The following PLEKHG4B variants were observed in gnomAD, a reference collection of about 807,000 sequenced individuals.
The protein encoded by PLEKHG4B is pleckstrin homology domain-containing family G member 4B.
A neutral mutation model predicts 121.3 loss-of-function variants in PLEKHG4B; 111 were observed. That is an observed-to-expected ratio of 0.92 (90% CI 0.78 to 1.07). The LOEUF is 1.07. Ranked by LOEUF, PLEKHG4B falls within the 50% of genes least tolerant of loss-of-function variation. The pLI, the probability that PLEKHG4B is intolerant of heterozygous loss-of-function variation, is 0.00. For synonymous variants in PLEKHG4B, 738 were observed against 725.0 expected (o/e 1.02, Z -0.29); for missense variants, 1,831 against 1,757.8 (o/e 1.04, Z -0.74).
rs377105521 is a variant in PLEKHG4B at position 167,383 on chromosome 5, A to G, written c.3477-1957A>G. On this transcript the variant is annotated intron_variant, in intron 13 of 19. Transcript: ENST00000637938. ...ATTTCTGCCCACAGCTGTGCTTCCC[A>G]TCATTAGCTGCTTTTTAGTTTTTCC... 4.7e-4 allele frequency among the ~76,000 whole-genome samples: 71 copies of G among 152,304 alleles called. 1 individual carries two copies. In the South Asian group the frequency reaches 0.014, roughly 31 times the overall value.
Position 156,289 on chromosome 5 carries a change from C to T in PLEKHG4B, c.2348+79C>T, listed in dbSNP as rs937215991. 41 of 1,296,282 alleles carry T rather than the reference C, an allele frequency of 3.2e-5. No individual in the cohort carries two copies. Among genetic ancestry groups the T allele is most frequent in the African/African-American group, 1.1e-4 (7 of 64,402 alleles). 80.3% of individuals were successfully genotyped at this position (1,296,282 alleles called of 1,614,324 possible). ...GGGGAGTTTGCACCAGGAGGCGTAG[C>T]GCTCTGCTCCAAGGAGAGCCCCCTC... On this transcript the variant is annotated intron_variant, in intron 10 of 19. Coordinates refer to ENST00000637938, the MANE Select transcript of PLEKHG4B (RefSeq NM_052909.5). This position sits in a 1 kb window ranked among gnomAD's most constrained non-coding sequence, Gnocchi z 4.4.
At chr5:167,147 T>G (rs577515178) in intron 13 of PLEKHG4B, among the ~76,000 whole-genome samples, 2 of 152,256 alleles carry the variant, frequency 1.3e-5, no homozygotes, top group Non-Finnish European at 2.9e-5. Flanking sequence ...GTCCTCATTC[T>G]GATTTTGTTT....
intron 2 of PLEKHG4B, among the ~76,000 whole-genome samples, chr5:119,833 G>C (rs1330028299): frequency 6.6e-6 from 1 of 152,202 alleles, no homozygotes; most frequent in Non-Finnish European, 1.5e-5. Context: ...ATTAGAATCT[G>C]AAGGAGCCTT....
intron 2 of PLEKHG4B, among the ~76,000 whole-genome samples, chr5:129,759 G>A (rs999683565): frequency 3.3e-5 from 5 of 152,174 alleles, no homozygotes; most frequent in Admixed American, 6.5e-5. Flanking sequence ...AGTGGTGGGT[G>A]AATGTGCATT....
chr5:171,161 C>T (rs1736533791), intron 15 of PLEKHG4B, 29 bp downstream of exon 15: 1 of 1,607,510 alleles, frequency 6.2e-7, no homozygotes, highest in Non-Finnish European at 8.5e-7. Flanking sequence ...CCCCCCACAG[C>T]CTGCCCGGCC....
chr5:123,855 C>G (rs1734536056), intron 2 of PLEKHG4B, among the ~76,000 whole-genome samples: 1 of 151,732 alleles, frequency 6.6e-6, no homozygotes, highest in Non-Finnish European at 1.5e-5. Context: ...TTTCATGTAT[C>G]TCTGTTCTAA....
intron 13 of PLEKHG4B, among the ~76,000 whole-genome samples, 200 bp downstream of exon 13, chr5:163,748 C>CTGAAAACT (rs1736136078): frequency 6.6e-6 from 1 of 152,342 alleles, no homozygotes; most frequent in Middle Eastern, 3.4e-3. Context: ...GAAGGGACCA[C>CTGAAAACT]TGAAAACTGC....
intron 1 of PLEKHG4B, among the ~76,000 whole-genome samples, chr5:94,149 A>G (rs149094704): frequency 1.1e-3 from 162 of 152,354 alleles, no homozygotes; most frequent in African/African-American, 3.8e-3. Context: ...GTTTGAGCCA[A>G]ACTCAAGGTC....
At chr5:102,088 A>G (rs1733835427) in intron 1 of PLEKHG4B, among the ~76,000 whole-genome samples, 1 of 128,506 alleles carries the variant, frequency 7.8e-6, no homozygotes, top group African/African-American at 3.3e-5. Context: ...AGCCCTGGAA[A>G]AAGTCTATAG....
intron 2 of PLEKHG4B, among the ~76,000 whole-genome samples, chr5:127,257 A>G (rs1281763394): frequency 6.6e-6 from 1 of 151,680 alleles, no homozygotes; most frequent in Non-Finnish European, 1.5e-5. Flanking sequence ...TTAAAAGGAA[A>G]CGTTACTACA....
Position 182,009 on chromosome 5 carries a change from C to T in PLEKHG4B, c.4570C>T (p.Gln1524Ter), listed in dbSNP as rs1338278719. Residue 1524 changes from glutamine (Q) to a stop codon, truncating the protein, a stop_gained, in exon 20 of 20, where the codon CAA (glutamine) becomes TAA (stop). Coordinates refer to ENST00000637938, the MANE Select transcript of PLEKHG4B (RefSeq NM_052909.5). LOFTEE classifies it low-confidence loss of function (END_TRUNC). Reference sequence around the variant, plus strand: ...TGCTTTCTGTCCCTTTCCAGAGTCACAAATGAGAGGGTCCACAGCGGTGTC... The same window carrying T: ...TGCTTTCTGTCCCTTTCCAGAGTCATAAATGAGAGGGTCCACAGCGGTGTC... Reference protein sequence around the residue: ...PDSIVKGTESQMRGSTAVSSS... With the variant: ...PDSIVKGTES 1 of 1,613,506 alleles carries T rather than the reference C, an allele frequency of 6.2e-7. No homozygotes were observed. The highest frequency in any genetic ancestry group is 2.2e-5 in the East Asian group (1 of 44,880).
chr5:143,164 C>CA lies in PLEKHG4B; in HGVS notation c.1596dup (p.Pro533ThrfsTer59), dbSNP rs1735284111. 1 of 1,612,278 alleles carries CA rather than the reference C, an allele frequency of 6.2e-7. No individual in the cohort carries two copies. The highest frequency in any genetic ancestry group is 8.5e-7 in the Non-Finnish European group (1 of 1,180,010). On this transcript the variant is annotated frameshift_variant, in exon 4 of 20. Transcript: ENST00000637938. LOFTEE classifies it high-confidence loss of function. ...CCACACCCCGAGCAAGAAGGGTGGC[C>CA]ACCCGGCACAGGAGACTTCCCCAGC...
intron 2 of PLEKHG4B, among the ~76,000 whole-genome samples, chr5:136,215 C>A (rs1433136010): frequency 6.6e-6 from 1 of 152,144 alleles, no homozygotes; most frequent in African/African-American, 2.4e-5. Context: ...AATTATAAAA[C>A]TCTTAGAATA....
In PLEKHG4B at chr5:163,122, T is replaced by A; in HGVS notation, c.3050T>A (p.Leu1017His). The A allele has an allele frequency of 6.4e-7, 1 of 1,566,152 alleles. No homozygotes were observed. The highest frequency in any genetic ancestry group is 8.7e-7 in the Non-Finnish European group (1 of 1,155,930). Residue 1017 changes from leucine (L) to histidine (H), a missense_variant, in exon 13 of 20, where the codon CTT becomes CAT. Physicochemically the swap from Leu to His is moderately conservative, Grantham distance 99 (BLOSUM62 -3). Transcript: ENST00000637938. The stretch of plus-strand genomic sequence containing the variant: ...CTGTCCGGCCTCCCTGGACGAGCGC[T>A]TCTGTGTGGACAGGACGGGGAGACC... The part of the protein sequence containing the change: ...QPLSGLPGRA[L>H]LCGQDGETLR...
chr5:136,876 A>C (rs1735000195), intron 2 of PLEKHG4B, among the ~76,000 whole-genome samples: 1 of 152,218 alleles, frequency 6.6e-6, no homozygotes, highest in Non-Finnish European at 1.5e-5. Flanking sequence ...AAAAGAATTG[A>C]AATCAGGGAT....
chr5:101,661 G>A (rs1665821312), intron 1 of PLEKHG4B, among the ~76,000 whole-genome samples: 1 of 136,098 alleles, frequency 7.3e-6, no homozygotes, highest in African/African-American at 3.1e-5. Flanking sequence ...TAAAGCTCTG[G>A]AAAAAGCCTG....
chr5:105,376 A>G (rs191173636), intron 1 of PLEKHG4B, among the ~76,000 whole-genome samples: 10 of 152,336 alleles, frequency 6.6e-5, no homozygotes, highest in African/African-American at 2.4e-4. Context: ...ACCTACTCCT[A>G]TTTATATTGT....
chr5:98,299 C>T (rs992829560), intron 1 of PLEKHG4B, among the ~76,000 whole-genome samples: 12 of 151,706 alleles, frequency 7.9e-5, no homozygotes, highest in African/African-American at 1.7e-4. Flanking sequence ...AGCATTCATT[C>T]GTTGAATGAA....
chr5:117,609 T>C (rs937118394), intron 2 of PLEKHG4B, among the ~76,000 whole-genome samples: 2 of 152,166 alleles, frequency 1.3e-5, no homozygotes, highest in Non-Finnish European at 2.9e-5. Flanking sequence ...TCCCAGCACT[T>C]TGGGAGGCCG....
Sources: gnomAD v4.1 joint callset for allele counts (sites outside exome capture counted in the v4.1 genomes callset) on GRCh38, gnomAD v4.1.1 for gene constraint, Gnocchi (gnomAD v3.1) non-coding constraint, MANE v1.5 for transcripts, NCBI Gene and HGNC (gene_info 2026-07-23, HGNC 2026-07-21) for gene names.